Variants in LHFPL6 observed in about 807,000 individuals in gnomAD.
LHFPL6 encodes LHFPL tetraspan subfamily member 6.
A neutral mutation model predicts 20.6 loss-of-function variants in LHFPL6; 9 were observed. That is an observed-to-expected ratio of 0.44 (90% CI 0.26 to 0.76). The LOEUF is 0.76. Among genes scored for constraint, LHFPL6 ranks in the 30% least tolerant of loss-of-function variants. LHFPL6 has a pLI of 0.20. For synonymous variants in LHFPL6, 105 were observed against 98.7 expected, an observed-to-expected ratio of 1.06 and a Z score of -0.38; for missense variants, 218 against 253.5, an observed-to-expected ratio of 0.86 and a Z score of 0.95.
chr13:39,463,870 G>T (rs867501004), intron 2 of LHFPL6, among the ~76,000 whole-genome samples: 1 of 152,290 alleles, frequency 6.6e-6, no homozygotes, highest in Middle Eastern at 3.4e-3. Flanking sequence ...CAGACAGTCT[G>T]CTATTCCTGC....
chr13:39,486,316 C>T (rs1351247348), intron 2 of LHFPL6, among the ~76,000 whole-genome samples: 1 of 152,094 alleles, frequency 6.6e-6, no homozygotes, highest in Non-Finnish European at 1.5e-5. Context: ...TTTATTTCCA[C>T]AGAAGGGCTA....
intron 2 of LHFPL6, among the ~76,000 whole-genome samples, chr13:39,434,981 AG>A (rs1366772084): frequency 2.1e-5 from 3 of 141,420 alleles, no homozygotes; most frequent in East Asian, 2.3e-4. Flanking sequence ...GCGTGAACCC[AG>A]GAAGTGGAGC....
intron 2 of LHFPL6, among the ~76,000 whole-genome samples, chr13:39,520,685 G>A (rs564292923): frequency 3.9e-5 from 6 of 152,212 alleles, no homozygotes; most frequent in African/African-American, 1.2e-4. Context: ...GCCATGTCAC[G>A]GCCAGACAAC....
At chr13:39,554,915 A>T (rs1381123698) in intron 2 of LHFPL6, among the ~76,000 whole-genome samples, 1 of 152,190 alleles carries the variant, frequency 6.6e-6, no homozygotes, top group Non-Finnish European at 1.5e-5. Context: ...CCCTCATACA[A>T]CAGTACAATG....
chr13:39,420,680 A>G (rs1446559756), intron 2 of LHFPL6, among the ~76,000 whole-genome samples: 1 of 152,218 alleles, frequency 6.6e-6, no homozygotes, highest in African/African-American at 2.4e-5. Flanking sequence ...GGCTGTTTGA[A>G]AAGTGTAAAT....
At chr13:39,536,347 C>A (rs746385022) in intron 2 of LHFPL6, among the ~76,000 whole-genome samples, 5 of 152,158 alleles carry the variant, frequency 3.3e-5, no homozygotes, top group Non-Finnish European at 7.3e-5. Flanking sequence ...TCAGATCTCC[C>A]TTCGAGAGGG....
intron 2 of LHFPL6, among the ~76,000 whole-genome samples, chr13:39,560,538 G>T (rs779703785): frequency 7.6e-6 from 1 of 131,870 alleles, no homozygotes. Context: ...TTTTTGAGAC[G>T]GCGTCTCCCT....
chr13:39,564,477 A>T (rs539878557), intron 2 of LHFPL6, among the ~76,000 whole-genome samples: 73 of 152,326 alleles, frequency 4.8e-4, no homozygotes, highest in Non-Finnish European at 3.2e-4. Flanking sequence ...TGGCCCATGC[A>T]GTACAAAACC....
chr13:39,594,497 GA>G (rs1297882596), intron 2 of LHFPL6, among the ~76,000 whole-genome samples: 2 of 152,180 alleles, frequency 1.3e-5, no homozygotes, highest in Non-Finnish European at 2.9e-5. Context: ...GGAGAAATAG[GA>G]ACAGTTTTAC....
intron 2 of LHFPL6, among the ~76,000 whole-genome samples, chr13:39,552,348 AACTG>A (rs200146045): frequency 0.018 from 2,732 of 152,226 alleles, 42 homozygotes; most frequent in Non-Finnish European, 0.026. Flanking sequence ...GCAATTGGTA[AACTG>A]ACTATTTTTC....
At chr13:39,548,261 C>A (rs1008253248) in intron 2 of LHFPL6, among the ~76,000 whole-genome samples, 14 of 152,036 alleles carry the variant, frequency 9.2e-5, no homozygotes, top group Non-Finnish European at 1.8e-4. Flanking sequence ...GCAGACATTC[C>A]TCCCCAAAGG....
chr13:39,554,545 G>A (rs1299688510), intron 2 of LHFPL6, among the ~76,000 whole-genome samples: 1 of 152,006 alleles, frequency 6.6e-6, no homozygotes, highest in Non-Finnish European at 1.5e-5. Flanking sequence ...TAGTTGTTTC[G>A]CCTGCATCCC....
chr13:39,528,735 G>T (rs1470902629), intron 2 of LHFPL6, among the ~76,000 whole-genome samples: 3 of 152,128 alleles, frequency 2.0e-5, no homozygotes, highest in Non-Finnish European at 2.9e-5. Context: ...TGTCACCCCT[G>T]TTGACAAGCT....
intron 2 of LHFPL6, among the ~76,000 whole-genome samples, chr13:39,570,103 C>G (rs1593368077): frequency 1.3e-5 from 2 of 152,262 alleles, no homozygotes; most frequent in Middle Eastern, 3.4e-3. Context: ...GTTAGCTTTT[C>G]AAGCTTAATC....
intron 2 of LHFPL6, among the ~76,000 whole-genome samples, chr13:39,549,458 C>T (rs1450879761): frequency 2.6e-5 from 4 of 151,934 alleles, no homozygotes; most frequent in Non-Finnish European, 5.9e-5. Context: ...ACACAAAAAC[C>T]ACAATGAAAT....
intron 2 of LHFPL6, among the ~76,000 whole-genome samples, chr13:39,525,260 T>C (rs1870251911): frequency 6.6e-6 from 1 of 152,208 alleles, no homozygotes; most frequent in African/African-American, 2.4e-5. Flanking sequence ...ATCATGGGTT[T>C]TGTTTCTGAG....
intron 3 of LHFPL6, among the ~76,000 whole-genome samples, chr13:39,376,129 C>T (rs1870289239): frequency 6.6e-6 from 1 of 152,048 alleles, no homozygotes; most frequent in Non-Finnish European, 1.5e-5. Flanking sequence ...AATAACAGGA[C>T]CTGAACTTCA....
At chr13:39,562,860 T>C (rs1871585734) in intron 2 of LHFPL6, among the ~76,000 whole-genome samples, 1 of 151,962 alleles carries the variant, frequency 6.6e-6, no homozygotes, top group African/African-American at 2.4e-5. Flanking sequence ...GCTTCAAAGA[T>C]TTACACACTC....
At chr13:39,567,236 T>C (rs1470421554) in intron 2 of LHFPL6, among the ~76,000 whole-genome samples, 7 of 152,186 alleles carry the variant, frequency 4.6e-5, no homozygotes, top group African/African-American at 1.4e-4. Context: ...GAGAATAATA[T>C]ACATTTTCAA....
Sources: allele counts gnomAD v4.1 joint callset (sites outside exome capture counted in the v4.1 genomes callset), GRCh38; gene constraint gnomAD v4.1.1; transcripts MANE v1.5; gene names NCBI Gene and HGNC (gene_info 2026-07-23, HGNC 2026-07-21).